Variants in CLEC6A observed in about 807,000 individuals in gnomAD.
The protein encoded by CLEC6A is C-type lectin domain family 6 member A.
A neutral mutation model predicts 25.7 loss-of-function variants in CLEC6A; 22 were observed. That is an observed-to-expected ratio of 0.85 (90% CI 0.61 to 1.22). The LOEUF (loss-of-function observed/expected upper bound fraction) is 1.22, where lower values mean the gene tolerates loss of function less well. CLEC6A is among the 50% of genes most tolerant of loss of function. The pLI, the probability that CLEC6A is intolerant of heterozygous loss-of-function variation, is 0.00. For missense variants in CLEC6A, 240 were observed against 236.8 expected (o/e 1.01, Z -0.09); for synonymous variants, 92 against 76.7 (o/e 1.20, Z -1.04).
chr12:8,468,091 G>A (rs1319985935), intron 4 of CLEC6A, among the ~76,000 whole-genome samples: 1 of 151,996 alleles, frequency 6.6e-6, no homozygotes, highest in African/African-American at 2.4e-5. Context: ...ACAGGCATGA[G>A]CCACTATGCC....
chr12:8,468,223 G>T (rs779545343), intron 4 of CLEC6A, among the ~76,000 whole-genome samples: 2 of 152,192 alleles, frequency 1.3e-5, no homozygotes, highest in South Asian at 2.1e-4. Flanking sequence ...GATTACAGGC[G>T]TGAGCCACCA....
rs1799356364 is a variant in CLEC6A, at chr12:8,471,107, G to A, written c.370-5018G>A. ...TGTGGTTTATTACATTGATTTTCATGTGTTGAACAATTTTTACATTCCAGA... is the reference window on the plus strand; with the variant it reads ...TGTGGTTTATTACATTGATTTTCATATGTTGAACAATTTTTACATTCCAGA... On this transcript the variant is annotated intron_variant, in intron 4 of 5. Transcript: ENST00000382073. Among the ~76,000 whole-genome samples the A allele has an allele frequency of 2.6e-5, 4 of 151,962 alleles. No individual in the cohort carries two copies. In the South Asian group the frequency reaches 8.3e-4, roughly 32 times the overall value.
At chr12:8,457,499 A>G (rs747218849) in intron 1 of CLEC6A, among the ~76,000 whole-genome samples, 1 of 152,200 alleles carries the variant, frequency 6.6e-6, no homozygotes, top group Non-Finnish European at 1.5e-5. Flanking sequence ...GGTTGCTTTC[A>G]TATCTTGGCT....
intron 3 of CLEC6A, 97 bp from the exon 4 acceptor site, chr12:8,465,387 T>G: frequency 8.4e-7 from 1 of 1,196,574 alleles, no homozygotes; most frequent in Non-Finnish European, 1.2e-6. Context: ...AGTAAAAACG[T>G]GAATTAAGAA....
At chr12:8,472,834 T>C (rs1370291665) in intron 4 of CLEC6A, among the ~76,000 whole-genome samples, 1 of 152,096 alleles carries the variant, frequency 6.6e-6, no homozygotes, top group Non-Finnish European at 1.5e-5. Context: ...AGGTTTGGGG[T>C]ACAACTGATC....
At chr12:8,461,858 G>C (rs1294557333) in intron 3 of CLEC6A, among the ~76,000 whole-genome samples, 1 of 152,164 alleles carries the variant, frequency 6.6e-6, no homozygotes, top group African/African-American at 2.4e-5. Context: ...ACCTAGGCCA[G>C]TTTTGACTGT....
At position 8,458,135 on chromosome 12, in the gene CLEC6A, T is replaced by A. The variant is rs749775087; in HGVS notation, c.121+148T>A. The A allele has an allele frequency of 2.7e-5, 16 of 592,386 alleles. No individual in the cohort carries two copies. The East Asian group carries it at 4.5e-4, about 17-fold the overall frequency. 36.7% of individuals were successfully genotyped at this position (592,386 alleles called of 1,614,324 possible). A position where few individuals can be genotyped will look rare whatever the true frequency, so the allele number is the denominator to read the frequency against. On this transcript the variant is annotated intron_variant, in intron 2 of 5. Transcript: ENST00000382073. ...TTTCCTTGATTTCTCCTTTTCCCTT[T>A]GTTTTTCTCCCTCTATCTTTTGAAA...
intron 4 of CLEC6A, among the ~76,000 whole-genome samples, chr12:8,474,804 A>C (rs1194643062): frequency 1.3e-5 from 2 of 152,216 alleles, no homozygotes; most frequent in African/African-American, 2.4e-5. Context: ...ATTTTTTATG[A>C]AATAAATAAA....
chr12:8,475,718 C>T (rs1423120134), intron 4 of CLEC6A, among the ~76,000 whole-genome samples: 1 of 152,076 alleles, frequency 6.6e-6, no homozygotes, highest in Non-Finnish European at 1.5e-5. Context: ...ACTGAGCTTA[C>T]CAATTCAAAT....
intron 3 of CLEC6A, among the ~76,000 whole-genome samples, chr12:8,464,431 G>A (rs755139273): frequency 1.4e-4 from 21 of 151,750 alleles, no homozygotes; most frequent in Admixed American, 5.9e-4. Context: ...CTGGGTTCAC[G>A]CCATTCTCCT....
intron 4 of CLEC6A, 108 bp from the exon 5 acceptor site, chr12:8,476,017 C>A: frequency 3.1e-6 from 2 of 638,132 alleles, no homozygotes; most frequent in East Asian, 2.8e-5. Context: ...CTGCTCCTTG[C>A]ACCTTGTGTT....
chr12:8,464,945 C>T (rs1240869894), intron 3 of CLEC6A, among the ~76,000 whole-genome samples: 1 of 152,042 alleles, frequency 6.6e-6, no homozygotes, highest in Non-Finnish European at 1.5e-5. Context: ...ATTAAGTCCC[C>T]CTGTGAGGTT....
Position 8,465,534 on chromosome 12 carries a change from T to G in CLEC6A, c.274T>G (p.Phe92Val). 1 of 1,614,110 alleles carries G rather than the reference T, an allele frequency of 6.2e-7. No individual in the cohort carries two copies. The highest frequency in any genetic ancestry group is 8.5e-7 in the Non-Finnish European group (1 of 1,179,972). ...SWKSFGSSCYFISSEEKVWSK... is the reference protein window; with the variant it reads ...SWKSFGSSCYVISSEEKVWSK... ...GAAGTCATTTGGTTCCAGTTGCTAC[T>G]TCATTTCCAGTGAAGAGAAGGTTTG... is the stretch of plus-strand genomic sequence containing the variant. Residue 92 changes from phenylalanine to valine, a missense_variant, in exon 4 of 6, where the codon TTC (phenylalanine) becomes GTC (valine). Coordinates refer to ENST00000382073, the MANE Select transcript of CLEC6A (RefSeq NM_001007033.2).
intron 4 of CLEC6A, among the ~76,000 whole-genome samples, chr12:8,474,270 G>C (rs988461661): frequency 1.3e-5 from 2 of 152,130 alleles, no homozygotes; most frequent in Admixed American, 6.6e-5. Flanking sequence ...TAGGGGTTCA[G>C]ATTTATTCTT....
Position 8,455,983 on chromosome 12 carries a change from C to G in CLEC6A, c.-129C>G, listed in dbSNP as rs377665297. 13 of 718,002 alleles carry G rather than the reference C, an allele frequency of 1.8e-5. No homozygotes were observed. The highest frequency in any genetic ancestry group is 1.2e-4 in the African/African-American group (7 of 57,098). The allele number at this position is 718,002 out of a possible 1,614,324, so 44.5% of individuals were successfully genotyped here. ...ACTTAATGTTGGAAGTCTCTTAGTC[C>G]TATAAGAGTGTGTAGCAGTTTGTCC... On this transcript the variant is annotated 5_prime_UTR_variant, in exon 1 of 6. Coordinates refer to ENST00000382073, the MANE Select transcript of CLEC6A (RefSeq NM_001007033.2).
intron 4 of CLEC6A, among the ~76,000 whole-genome samples, chr12:8,472,350 C>T (rs1939916462): frequency 6.6e-6 from 1 of 152,094 alleles, no homozygotes; most frequent in Non-Finnish European, 1.5e-5. Flanking sequence ...ACCAAGTATC[C>T]CAAATATGTT....
At chr12:8,457,855 T>A (rs754035166) in intron 1 of CLEC6A, 43 bp from the exon 2 acceptor site, 1 of 1,478,010 alleles carries the variant, frequency 6.8e-7, no homozygotes, top group East Asian at 2.3e-5. Context: ...TTTGGCTCCC[T>A]GGCCCCCTGG....
chr12:8,460,024 C>T (rs1487752401), intron 3 of CLEC6A, among the ~76,000 whole-genome samples: 1 of 152,170 alleles, frequency 6.6e-6, no homozygotes, highest in Non-Finnish European at 1.5e-5. Context: ...AAAATAATTT[C>T]TTTGACATTT....
At chr12:8,460,166 G>A (rs953736968) in intron 3 of CLEC6A, among the ~76,000 whole-genome samples, 6 of 152,202 alleles carry the variant, frequency 3.9e-5, no homozygotes, top group Non-Finnish European at 8.8e-5. Flanking sequence ...AGTTGGCAGA[G>A]TTGAATTTAG....
Sources: allele counts gnomAD v4.1 joint callset (sites outside exome capture counted in the v4.1 genomes callset), GRCh38; gene constraint gnomAD v4.1.1; transcripts MANE v1.5; gene names NCBI Gene and HGNC (gene_info 2026-07-23, HGNC 2026-07-21).